Variants in QTMAN observed in about 807,000 individuals in gnomAD.
QTMAN encodes the protein tRNA-queuosine alpha-mannosyltransferase.
At chr2:144,208,803 T>C in the QTMAN span, 2 of 1,522,380 alleles carry the variant, frequency 1.3e-6, no homozygotes, top group South Asian at 2.6e-5. Flanking sequence ...AACCTTCAGA[T>C]CCTAAATAAC....
the QTMAN span, among the ~76,000 whole-genome samples, chr2:143,991,540 G>A: frequency 3.5e-5 from 5 of 141,786 alleles, no homozygotes; most frequent in East Asian, 2.3e-4. Flanking sequence ...CCGGCCAGCC[G>A]CCCCGTCCGG....
chr2:144,203,190 T>TGTGTGTGC, the QTMAN span, among the ~76,000 whole-genome samples: 2 of 140,944 alleles, frequency 1.4e-5, no homozygotes, highest in Non-Finnish European at 3.1e-5. Flanking sequence ...TGTGTGTGTG[T>TGTGTGTGC]GCACGTGCGC....
At chr2:144,242,960 T>TAAAAAAAAAAAAAAAA in the QTMAN span, among the ~76,000 whole-genome samples, 4 of 77,806 alleles carry the variant, frequency 5.1e-5, no homozygotes, top group African/African-American at 1.9e-4. Context: ...AGACTCTACT[T>TAAAAAAAAAAAAAAAA]AAAAAAAAAA....
the QTMAN span, among the ~76,000 whole-genome samples, chr2:144,283,831 T>C: frequency 1.3e-5 from 2 of 152,010 alleles, no homozygotes; most frequent in Non-Finnish European, 2.9e-5. Context: ...AACTGTACCA[T>C]GCAGGTTAGT....
chr2:144,027,306 G>A, the QTMAN span, among the ~76,000 whole-genome samples: 1 of 152,196 alleles, frequency 6.6e-6, no homozygotes, highest in Non-Finnish European at 1.5e-5. Context: ...ATATTACGTT[G>A]TCACATCGGG....
chr2:144,277,474 G>T, the QTMAN span, among the ~76,000 whole-genome samples: 1 of 152,084 alleles, frequency 6.6e-6, no homozygotes, highest in Non-Finnish European at 1.5e-5. Context: ...TGGCAAAAAT[G>T]AGCAAACCTG....
the QTMAN span, among the ~76,000 whole-genome samples, chr2:144,296,724 C>T: frequency 2.0e-5 from 3 of 152,098 alleles, no homozygotes; most frequent in Non-Finnish European, 4.4e-5. Flanking sequence ...AGGCTCAATC[C>T]TATTTCTTAT....
the QTMAN span, chr2:144,177,390 A>AC: frequency 3.6e-6 from 2 of 552,820 alleles, no homozygotes; most frequent in Admixed American, 6.1e-5. Context: ...ATGAAGACCA[A>AC]CCCTACTAGA....
At chr2:144,044,509 C>T in the QTMAN span, among the ~76,000 whole-genome samples, 3 of 152,106 alleles carry the variant, frequency 2.0e-5, no homozygotes, top group Admixed American at 6.5e-5. Context: ...GAGCAAATCC[C>T]TTCTGTTCAA....
the QTMAN span, among the ~76,000 whole-genome samples, chr2:143,974,525 T>C: frequency 1.3e-5 from 2 of 152,304 alleles, no homozygotes; most frequent in East Asian, 3.9e-4. Context: ...TAAATATACT[T>C]CTTGAAGTAG....
chr2:144,087,396 A>C, the QTMAN span, among the ~76,000 whole-genome samples: 92 of 152,182 alleles, frequency 6.0e-4, no homozygotes, highest in African/African-American at 2.1e-3. Flanking sequence ...ATAAATAATA[A>C]CAATTCTATA....
the QTMAN span, among the ~76,000 whole-genome samples, chr2:144,216,769 T>G: frequency 6.6e-6 from 1 of 152,158 alleles, no homozygotes; most frequent in Non-Finnish European, 1.5e-5. Flanking sequence ...TAGGCCAAAG[T>G]GCATTTAATG....
At chr2:144,039,453 G>GA in the QTMAN span, among the ~76,000 whole-genome samples, 2 of 152,000 alleles carry the variant, frequency 1.3e-5, no homozygotes, top group Non-Finnish European at 2.9e-5. Flanking sequence ...CTAGGCGGGG[G>GA]AGTTTTCTAC....
At chr2:144,243,466 T>C in the QTMAN span, among the ~76,000 whole-genome samples, 1 of 152,194 alleles carries the variant, frequency 6.6e-6, no homozygotes, top group Non-Finnish European at 1.5e-5. Context: ...TGCTATGATA[T>C]TAGGAATGAT....
chr2:144,288,490 C>T, the QTMAN span, among the ~76,000 whole-genome samples: 1 of 152,102 alleles, frequency 6.6e-6, no homozygotes, highest in Non-Finnish European at 1.5e-5. Context: ...ATGAAATAAA[C>T]AGTTGAAAAC....
At chr2:143,990,101 C>A in the QTMAN span, among the ~76,000 whole-genome samples, 1 of 151,742 alleles carries the variant, frequency 6.6e-6, no homozygotes, top group Non-Finnish European at 1.5e-5. Context: ...GCACCACTGT[C>A]CTATAAAGTC....
the QTMAN span, among the ~76,000 whole-genome samples, chr2:144,025,206 T>C: frequency 6.6e-6 from 1 of 152,162 alleles, no homozygotes; most frequent in Non-Finnish European, 1.5e-5. Flanking sequence ...GACTGGGATA[T>C]CTGCCAGGAG....
the QTMAN span, among the ~76,000 whole-genome samples, chr2:144,161,453 T>C: frequency 6.6e-6 from 1 of 152,164 alleles, no homozygotes; most frequent in African/African-American, 2.4e-5. Flanking sequence ...TAAATGTGAA[T>C]GCCCAAATTT....
chr2:144,307,436 A>T, the QTMAN span, among the ~76,000 whole-genome samples: 4 of 152,164 alleles, frequency 2.6e-5, no homozygotes, highest in African/African-American at 9.7e-5. Context: ...CACCGCTTCT[A>T]TTTAACACTG....
Sources: allele counts gnomAD v4.1 joint callset (sites outside exome capture counted in the v4.1 genomes callset), GRCh38; gene constraint gnomAD v4.1.1; transcripts MANE v1.5; gene names NCBI Gene and HGNC (gene_info 2026-07-23, HGNC 2026-07-21).